The following BANP variants were observed in gnomAD, a reference collection of about 807,000 sequenced individuals.
BANP encodes BTG3 associated nuclear protein, also known as protein BANP.
Under a neutral mutation model 68.1 loss-of-function variants are expected in BANP, and 11 were observed. That is an observed-to-expected ratio of 0.16 (90% CI 0.10 to 0.27). BANP has a LOEUF of 0.27. Ranked by LOEUF, BANP falls within the 10% of genes least tolerant of loss-of-function variation. BANP has a pLI of 1.00. For missense variants in BANP, 504 were observed against 722.7 expected (o/e 0.70, Z 3.47); for synonymous variants, 329 against 303.2 (o/e 1.09, Z -0.88).
chr16:87,958,968 G>A (rs1038803834), intron 1 of BANP, among the ~76,000 whole-genome samples: 3 of 152,192 alleles, frequency 2.0e-5, no homozygotes, highest in Admixed American at 6.5e-5. Flanking sequence ...AGGACCTTGC[G>A]GCGCCTTGGC....
chr16:88,058,217 T>G (rs1258450773), intron 11 of BANP, among the ~76,000 whole-genome samples: 1 of 152,214 alleles, frequency 6.6e-6, no homozygotes, highest in Admixed American at 6.5e-5. Context: ...TTTTGTTTTT[T>G]GACTCACTGG....
intron 11 of BANP, among the ~76,000 whole-genome samples, chr16:88,048,264 C>T (rs1043873391): frequency 2.6e-5 from 4 of 152,128 alleles, no homozygotes; most frequent in African/African-American, 4.8e-5. Context: ...AATAATTTTC[C>T]GGAAGCATCT....
At chr16:88,072,362 G>A (rs908223621) in intron 13 of BANP, 150 bp downstream of exon 13, 34 of 925,470 alleles carry the variant, frequency 3.7e-5, no homozygotes, top group Non-Finnish European at 4.7e-5. Flanking sequence ...AGGGTTCTAC[G>A]TCTCACACTC....
chr16:87,993,098 G>T (rs1048497469), intron 4 of BANP, among the ~76,000 whole-genome samples: 3 of 152,238 alleles, frequency 2.0e-5, no homozygotes, highest in Non-Finnish European at 4.4e-5. Flanking sequence ...GGGGGTCACG[G>T]GTTTTGGGGA....
At chr16:88,041,368 C>G (rs1016034152) in intron 11 of BANP, among the ~76,000 whole-genome samples, 3 of 152,174 alleles carry the variant, frequency 2.0e-5, no homozygotes, top group Non-Finnish European at 2.9e-5. Flanking sequence ...CGCCATTGTG[C>G]TGCGTTGGTG....
intron 1 of BANP, among the ~76,000 whole-genome samples, chr16:87,967,560 A>G (rs2060264623): frequency 1.3e-5 from 2 of 151,308 alleles, no homozygotes; most frequent in Admixed American, 1.3e-4. Context: ...GGTGCAAGTG[A>G]TTCTACTGCC....
At chr16:88,035,768 A>G (rs2079189161) in intron 10 of BANP, among the ~76,000 whole-genome samples, 1 of 152,170 alleles carries the variant, frequency 6.6e-6, no homozygotes, top group Admixed American at 6.5e-5. Flanking sequence ...GTGACCTGAC[A>G]TACCCCCTCA....
chr16:88,076,551 G>A (rs371257066), intron 13 of BANP, 39 bp from the exon 14 acceptor site: 2 of 1,589,988 alleles, frequency 1.3e-6, no homozygotes, highest in Non-Finnish European at 1.7e-6. Context: ...GCAGTGCTGG[G>A]TATTTTTCTA....
chr16:88,060,015 G>A (rs1598992942), intron 11 of BANP, among the ~76,000 whole-genome samples: 1 of 152,376 alleles, frequency 6.6e-6, no homozygotes, highest in East Asian at 1.9e-4. Context: ...CTGGCTTGGC[G>A]CAGCTGTCTG....
chr16:88,050,163 C>T (rs76569567), intron 11 of BANP, among the ~76,000 whole-genome samples: 2,998 of 152,226 alleles, frequency 0.02, 99 homozygotes, highest in African/African-American at 0.068. Context: ...GCTAGCTAGC[C>T]AGCTAATCGA....
intron 7 of BANP, among the ~76,000 whole-genome samples, chr16:88,023,225 C>T (rs1349880811): frequency 6.6e-6 from 1 of 152,190 alleles, no homozygotes; most frequent in Non-Finnish European, 1.5e-5. Context: ...GCCTCCTTCT[C>T]AGCAGGTCAC....
At chr16:88,019,535 ATGCCGGGGGCGTCCGGGATCTCAGCG>A (rs2075409862) in intron 7 of BANP, among the ~76,000 whole-genome samples, 1 of 120,096 alleles carries the variant, frequency 8.3e-6, no homozygotes, top group African/African-American at 3.1e-5. Flanking sequence ...GGATCTCAGC[ATGCCGGGGGCGTCCGGGATCTCAGCG>A]TGCGGGGGGC....
chr16:87,984,108 A>C lies in BANP; in HGVS notation c.211A>C (p.Ile71Leu). 1 of 1,613,886 alleles carries C rather than the reference A, an allele frequency of 6.2e-7. No homozygotes were observed. ...NQTICLRLDSIEAKLQALEAT... is the reference protein window; with the variant it reads ...NQTICLRLDSLEAKLQALEAT... ...GACAATCTGCTTGCGGTTGGATAGCATTGAAGCCAAATTGCAAGCCCTGGA... is the reference window on the plus strand; with the variant it reads ...GACAATCTGCTTGCGGTTGGATAGCCTTGAAGCCAAATTGCAAGCCCTGGA... The change falls in exon 4 of 14, where the codon ATT (isoleucine) becomes CTT (leucine). Residue 71 changes from isoleucine to leucine, a missense_variant. Transcript: ENST00000682872.
At chr16:87,952,329 G>T (rs1306988328) in intron 1 of BANP, 3 of 152,288 alleles carry the variant, frequency 2.0e-5, no homozygotes, top group Non-Finnish European at 2.9e-5. Context: ...CTGTGAGCAA[G>T]TGGAGCGAGT....
chr16:87,973,028 C>A (rs2061400808), intron 1 of BANP, among the ~76,000 whole-genome samples: 1 of 151,928 alleles, frequency 6.6e-6, no homozygotes, highest in African/African-American at 2.4e-5. Context: ...TCCAGTGTCC[C>A]CATCTGCTTG....
chr16:87,962,794 C>A (rs1394083161), intron 1 of BANP, among the ~76,000 whole-genome samples: 1 of 152,120 alleles, frequency 6.6e-6, no homozygotes, highest in African/African-American at 2.4e-5. Context: ...TCCGATCAGT[C>A]ATTTATAGTT....
chr16:87,989,765 C>T (rs1305566417), intron 4 of BANP, among the ~76,000 whole-genome samples: 13 of 110,574 alleles, frequency 1.2e-4, no homozygotes, highest in African/African-American at 4.4e-4. Flanking sequence ...GGACACAGGG[C>T]GGGTGACGGG....
rs1215589626 is a variant in BANP at position 87,975,104 on chromosome 16, T to TC, written c.-10dup. ...ACTCTTTCGTGTTGACCGGCCACTC[T>TC]CCGTGCTCTGGATGATGTCGGAACA... is the stretch of plus-strand genomic sequence containing the variant. On this transcript the variant is annotated 5_prime_UTR_variant, in exon 2 of 14. Transcript: ENST00000682872. 2 of 1,559,838 alleles carry TC rather than the reference T, an allele frequency of 1.3e-6. No individual in the cohort carries two copies. The highest frequency in any genetic ancestry group is 1.7e-4 in the Middle Eastern group (1 of 5,888).
chr16:88,027,297 T>C (rs1309676411), intron 7 of BANP, among the ~76,000 whole-genome samples, 186 bp from the exon 8 acceptor site: 2 of 152,138 alleles, frequency 1.3e-5, no homozygotes, highest in African/African-American at 2.4e-5. Context: ...GAGCCCCGCC[T>C]GTGGGCCAGC....
Sources: gnomAD v4.1 joint callset for allele counts (sites outside exome capture counted in the v4.1 genomes callset) on GRCh38, gnomAD v4.1.1 for gene constraint, MANE v1.5 for transcripts, NCBI Gene and HGNC (gene_info 2026-07-23, HGNC 2026-07-21) for gene names.